The following PTPN12 variants were observed in gnomAD, a reference collection of about 807,000 sequenced individuals.
PTPN12 encodes the protein tyrosine-protein phosphatase non-receptor type 12.
In PTPN12, 29 loss-of-function variants were observed where a neutral mutation model predicts 97.6. The ratio of observed to expected loss-of-function variants is 0.30; its 90% CI spans 0.22 to 0.41. The LOEUF (loss-of-function observed/expected upper bound fraction) is 0.41, where lower values mean the gene tolerates loss of function less well. PTPN12 is among the 10% of genes least tolerant of loss of function. The probability of loss-of-function intolerance (pLI) is 1.00; values close to 1 mark genes in which losing one functional copy is unlikely to be tolerated. For missense variants in PTPN12, 819 were observed against 926.0 expected, an observed-to-expected ratio of 0.88 and a Z score of 1.50; for synonymous variants, 327 against 300.4, an observed-to-expected ratio of 1.09 and a Z score of -0.91.
rs1806704140 is a variant in PTPN12, at chr7:77,537,417, C to A, written c.-130C>A. On this transcript the variant is annotated 5_prime_UTR_variant, in exon 1 of 18. Coordinates refer to ENST00000248594, the MANE Select transcript of PTPN12 (RefSeq NM_002835.4). The stretch of plus-strand genomic sequence containing the variant: ...TAGGGCGGTGGGGAGGAGGAGGGAG[C>A]CGCGGGGCTTGGCGGGGTCGGGAGG... 2 of 1,312,886 alleles carry A rather than the reference C, an allele frequency of 1.5e-6. No homozygotes were observed. The highest frequency in any genetic ancestry group is 7.0e-5 in the Admixed American group (2 of 28,630). 81.3% of individuals were successfully genotyped at this position (1,312,886 alleles called of 1,614,324 possible).
At chr7:77,630,314 T>C (rs984173210) in intron 13 of PTPN12, among the ~76,000 whole-genome samples, 1 of 152,222 alleles carries the variant, frequency 6.6e-6, no homozygotes, top group Non-Finnish European at 1.5e-5. Context: ...GTCCTAGAAC[T>C]TGTTAGTGAA....
Position 77,585,562 on chromosome 7 carries a change from G to A in PTPN12, c.401G>A (p.Arg134Gln), listed in dbSNP as rs199903228. 8.1e-6 allele frequency: 13 copies of A among 1,605,986 alleles called. No individual in the cohort carries two copies. The highest frequency in any genetic ancestry group is 1.7e-4 in the Middle Eastern group (1 of 6,054). Residue 134 changes from arginine (R) to glutamine (Q), a missense_variant, in exon 5 of 18, where the codon CGA becomes CAA. This residue lies in a region of PTPN12 where 66 missense variants were observed against 133.6 expected (regional missense o/e 0.49). Coordinates refer to ENST00000248594, the MANE Select transcript of PTPN12 (RefSeq NM_002835.4). ...TTTTAGATCATTGTAATGGCCTGCCGAGAATTTGAGATGGGAAGGGTATGT... is the reference window on the plus strand; with the variant it reads ...TTTTAGATCATTGTAATGGCCTGCCAAGAATTTGAGATGGGAAGGGTATGT... ...YNVVIIVMAC[R>Q]EFEMGRKKCE...
intron 3 of PTPN12, among the ~76,000 whole-genome samples, chr7:77,583,063 A>T (rs1787574857): frequency 1.3e-5 from 2 of 152,180 alleles, no homozygotes; most frequent in Admixed American, 6.5e-5. Flanking sequence ...TTAGTCAGTG[A>T]CATTGTTTGG....
chr7:77,597,358 A>G (rs1788054395), intron 6 of PTPN12, among the ~76,000 whole-genome samples: 1 of 152,134 alleles, frequency 6.6e-6, no homozygotes, highest in African/African-American at 2.4e-5. Flanking sequence ...CCTGACCTCA[A>G]GTGATCCACC....
At chr7:77,616,159 T>G (rs776527155) in intron 11 of PTPN12, among the ~76,000 whole-genome samples, 2 of 152,236 alleles carry the variant, frequency 1.3e-5, no homozygotes, top group African/African-American at 2.4e-5. Flanking sequence ...CTTCCACCTG[T>G]TTTCCTTCTT....
intron 14 of PTPN12, among the ~76,000 whole-genome samples, chr7:77,634,752 A>AT (rs1275387689): frequency 7.3e-6 from 1 of 137,026 alleles, no homozygotes; most frequent in South Asian, 2.3e-4. Context: ...ATTTTTTTGT[A>AT]TTTTTTTAGT....
rs144850577 is a variant in PTPN12 at position 77,619,740 on chromosome 7, T to A, written c.1025+1175T>A. Among the ~76,000 whole-genome samples the A allele has an allele frequency of 6.1e-3, 935 of 152,332 alleles. 8 individuals carry two copies. Among genetic ancestry groups the A allele is most frequent in the African/African-American group, 0.021 (889 of 41,578 alleles). ...TTAGTGATAATGTATATAAAGCATG[T>A]AGTTACATGCCCGGCCTATAGTAAC... On this transcript the variant is annotated intron_variant, in intron 12 of 17. Transcript: ENST00000248594.
chr7:77,603,522 G>A (rs1323923292), intron 8 of PTPN12, among the ~76,000 whole-genome samples: 1 of 152,158 alleles, frequency 6.6e-6, no homozygotes, highest in Admixed American at 6.5e-5. Context: ...TTTTGCTCTT[G>A]TTGCCCAGGC....
At chr7:77,542,354 G>T (rs1224940042) in intron 1 of PTPN12, among the ~76,000 whole-genome samples, 1 of 152,176 alleles carries the variant, frequency 6.6e-6, no homozygotes, top group Non-Finnish European at 1.5e-5. Flanking sequence ...CACTTACTTA[G>T]ATAGGTTCTG....
intron 1 of PTPN12, among the ~76,000 whole-genome samples, 155 bp downstream of exon 1, chr7:77,537,800 G>C (rs533643468): frequency 1.3e-5 from 2 of 152,150 alleles, no homozygotes; most frequent in African/African-American, 4.8e-5. Flanking sequence ...TCGGAGGCCA[G>C]CGGGAGGCGA....
intron 14 of PTPN12, among the ~76,000 whole-genome samples, chr7:77,634,177 T>A (rs1789504154): frequency 1.5e-5 from 1 of 67,414 alleles, no homozygotes; most frequent in African/African-American, 1.3e-4. Flanking sequence ...TCCAGTTTGG[T>A]AACAGTGAGA....
At chr7:77,581,591 C>A in intron 3 of PTPN12, 88 bp downstream of exon 3, 1 of 651,804 alleles carries the variant, frequency 1.5e-6, no homozygotes, top group Non-Finnish European at 2.5e-6. Flanking sequence ...ATTGCTCAAA[C>A]ATGATACCAA....
At chr7:77,592,449 A>G in intron 6 of PTPN12, 193 bp downstream of exon 6, 2 of 463,322 alleles carry the variant, frequency 4.3e-6, no homozygotes, top group Non-Finnish European at 7.5e-6. Context: ...TCATAAATGC[A>G]TATTTTCCTT....
intron 12 of PTPN12, among the ~76,000 whole-genome samples, chr7:77,625,588 T>TTTG (rs1789148406): frequency 7.8e-6 from 1 of 128,232 alleles, no homozygotes; most frequent in African/African-American, 3.0e-5. Context: ...TTTTTTTTTT[T>TTTG]GGAGACAGTC....
intron 7 of PTPN12, among the ~76,000 whole-genome samples, chr7:77,600,033 C>T (rs1341123943): frequency 6.6e-6 from 1 of 152,076 alleles, no homozygotes; most frequent in African/African-American, 2.4e-5. Flanking sequence ...GAATAAGGCA[C>T]GTAACATTTT....
intron 1 of PTPN12, among the ~76,000 whole-genome samples, chr7:77,552,815 G>A (rs1807538381): frequency 6.6e-6 from 1 of 152,184 alleles, no homozygotes; most frequent in Non-Finnish European, 1.5e-5. Context: ...ACTATGTAAT[G>A]TTGAGTACAT....
At chr7:77,636,904 C>G (rs1041088943) in intron 15 of PTPN12, 114 bp from the exon 16 acceptor site, 4 of 697,812 alleles carry the variant, frequency 5.7e-6, no homozygotes, top group Non-Finnish European at 7.0e-6. Context: ...TCCTCTGATG[C>G]TGAAAATGAT....
intron 3 of PTPN12, among the ~76,000 whole-genome samples, chr7:77,582,191 T>A (rs1787542762): frequency 6.9e-6 from 1 of 144,462 alleles, no homozygotes; most frequent in Admixed American, 7.1e-5. Flanking sequence ...GCTTCCCGGG[T>A]TCACGCCATT....
chr7:77,617,405 A>ATACATATCAG, intron 11 of PTPN12, among the ~76,000 whole-genome samples: 1 of 152,148 alleles, frequency 6.6e-6, no homozygotes, highest in African/African-American at 2.4e-5. Flanking sequence ...TAAAACTATT[A>ATACATATCAG]ATTCATCAGA....
Sources: allele counts gnomAD v4.1 joint callset (sites outside exome capture counted in the v4.1 genomes callset), GRCh38; gene constraint gnomAD v4.1.1; regional missense constraint gnomAD v4.1.1; transcripts MANE v1.5; gene names NCBI Gene and HGNC (gene_info 2026-07-23, HGNC 2026-07-21).